The following ATAD2B variants were observed in gnomAD, a reference collection of about 807,000 sequenced individuals.
The protein encoded by ATAD2B is ATPase family AAA domain-containing protein 2B.
In ATAD2B, 40 loss-of-function variants were observed where a neutral mutation model predicts 167.6. That is an observed-to-expected ratio of 0.24 (90% CI 0.19 to 0.31). The LOEUF (loss-of-function observed/expected upper bound fraction) is 0.31, where lower values mean the gene tolerates loss of function less well. ATAD2B is among the 10% of genes least tolerant of loss of function. The pLI, the probability that ATAD2B is intolerant of heterozygous loss-of-function variation, is 1.00. For missense variants in ATAD2B, 1,242 were observed against 1,757.2 expected (o/e 0.71, Z 5.24); for synonymous variants, 579 against 596.5 (o/e 0.97, Z 0.43).
chr2:23,709,806 TGAA>T, the ATAD2B span, among the ~76,000 whole-genome samples: 6 of 152,244 alleles, frequency 3.9e-5, no homozygotes, highest in Non-Finnish European at 8.8e-5. Flanking sequence ...ATGCCAATCA[TGAA>T]GAGCTGAAAT....
intron 1 of ATAD2B, among the ~76,000 whole-genome samples, chr2:23,898,531 G>A (rs1033682679): frequency 5.9e-5 from 9 of 152,180 alleles, no homozygotes; most frequent in South Asian, 2.1e-4. Flanking sequence ...TTCCTAAAAT[G>A]TATACAATGA....
intron 18 of ATAD2B, among the ~76,000 whole-genome samples, chr2:23,799,295 G>A (rs115540553): frequency 0.026 from 3,911 of 152,152 alleles, 68 homozygotes; most frequent in South Asian, 0.045. Flanking sequence ...GAATTTAGCT[G>A]GGCACGGTGG....
intron 8 of ATAD2B, chr2:23,872,831 T>C: frequency 3.0e-6 from 3 of 988,858 alleles, no homozygotes; most frequent in South Asian, 1.3e-5. Context: ...TGCTCTCTTC[T>C]GCACTGAGGT....
downstream of ATAD2B, among the ~76,000 whole-genome samples, chr2:23,744,662 C>A (rs1674711405): frequency 6.6e-6 from 1 of 152,136 alleles, no homozygotes; most frequent in South Asian, 2.1e-4. Context: ...TAATTTGTCA[C>A]ATGTTGCATA....
Position 23,788,526 on chromosome 2 carries a change from C to T in ATAD2B, c.2762G>A (p.Arg921Gln), listed in dbSNP as rs952541811. 2.5e-6 allele frequency: 4 copies of T among 1,612,766 alleles called. No individual in the cohort carries two copies. Among genetic ancestry groups the T allele is most frequent in the Admixed American group, 1.7e-5 (1 of 59,932 alleles). Residue 921 changes from arginine (R) to glutamine (Q), a missense_variant, in exon 20 of 28, where the codon CGA (arginine) becomes CAA (glutamine). By Grantham distance (43) the Arg-to-Gln change is conservative. Transcript: ENST00000238789. ...ACAAACTTTACCAGCATGTTTCCTT[C>T]GTGGTGGAGCCATTGATGCCTGATT... The part of the protein sequence containing the change: ...ILNQASMAPP[R>Q]RKHAALCAME...
chr2:23,902,073 C>T (rs1700908630), intron 1 of ATAD2B, among the ~76,000 whole-genome samples: 2 of 152,102 alleles, frequency 1.3e-5, no homozygotes, highest in African/African-American at 2.4e-5. Context: ...CAAAAATCAC[C>T]TGCATTACTC....
chr2:23,741,589 C>T, the ATAD2B span, among the ~76,000 whole-genome samples: 1 of 152,128 alleles, frequency 6.6e-6, no homozygotes, highest in Non-Finnish European at 1.5e-5. Flanking sequence ...AGCCCTAAAA[C>T]CATAAAAACC....
chr2:23,696,265 G>A, the ATAD2B span: 5 of 1,505,540 alleles, frequency 3.3e-6, no homozygotes, highest in Non-Finnish European at 4.5e-6. The surrounding 1 kb of genome is among the most constrained non-coding windows in gnomAD (Gnocchi z 5.5). Flanking sequence ...TGCCCCTGGG[G>A]CTGGGCCTGC....
intron 4 of ATAD2B, among the ~76,000 whole-genome samples, chr2:23,887,040 G>A (rs537892977): frequency 1.5e-3 from 231 of 152,268 alleles, no homozygotes; most frequent in African/African-American, 5.1e-3. Flanking sequence ...CACTTTGGGA[G>A]GCCAAGGCAG....
chr2:23,850,178 C>G (rs1692347786), intron 13 of ATAD2B, among the ~76,000 whole-genome samples: 1 of 150,278 alleles, frequency 6.7e-6, no homozygotes, highest in South Asian at 2.1e-4. Flanking sequence ...GAGTTATGAT[C>G]TCTAGATCAC....
At chr2:23,869,900 C>A in intron 8 of ATAD2B, 139 bp from the exon 9 acceptor site, 3 of 612,298 alleles carry the variant, frequency 4.9e-6, no homozygotes, top group Non-Finnish European at 8.3e-6. Flanking sequence ...ATACAATTTA[C>A]ATGAAGTATA....
intron 17 of ATAD2B, among the ~76,000 whole-genome samples, chr2:23,814,520 A>T (rs1686125681): frequency 6.6e-6 from 1 of 152,216 alleles, no homozygotes; most frequent in African/African-American, 2.4e-5. Context: ...AAAAGATTGG[A>T]GGTACAAGAG....
At chr2:23,777,160 A>G (rs542180520) in intron 22 of ATAD2B, among the ~76,000 whole-genome samples, 1 of 152,262 alleles carries the variant, frequency 6.6e-6, no homozygotes, top group South Asian at 2.1e-4. Context: ...AAGCCAAGAA[A>G]AGAGGCCTCA....
At chr2:23,687,560 C>T in the ATAD2B span, among the ~76,000 whole-genome samples, 1 of 152,182 alleles carries the variant, frequency 6.6e-6, no homozygotes, top group African/African-American at 2.4e-5. Flanking sequence ...CAGCTGAGCC[C>T]ACAGTCTGGT....
At chr2:23,684,641 G>A in the ATAD2B span, 1 of 1,006,788 alleles carries the variant, frequency 9.9e-7, no homozygotes, top group Non-Finnish European at 1.4e-6. The surrounding 1 kb of genome is among the most constrained non-coding windows in gnomAD (Gnocchi z 4.4). Context: ...GTGACTCCCT[G>A]TCACAGAGCC....
intron 4 of ATAD2B, among the ~76,000 whole-genome samples, chr2:23,886,478 G>T (rs1162021728): frequency 6.6e-6 from 1 of 151,908 alleles, no homozygotes; most frequent in Non-Finnish European, 1.5e-5. Context: ...ATGGTATTAA[G>T]AATAACTTGT....
chr2:23,693,504 G>A, the ATAD2B span: 1 of 1,551,082 alleles, frequency 6.4e-7, no homozygotes, highest in Non-Finnish European at 8.7e-7. Context: ...AGTGGATCAA[G>A]AAGGACCCCG....
At chr2:23,795,650 G>A (rs888182896) in intron 19 of ATAD2B, among the ~76,000 whole-genome samples, 4 of 152,120 alleles carry the variant, frequency 2.6e-5, no homozygotes. Context: ...GGAGGCCGAG[G>A]TGGGAGATCA....
intron 5 of ATAD2B, among the ~76,000 whole-genome samples, chr2:23,885,338 G>T (rs1422207946): frequency 6.6e-6 from 1 of 152,188 alleles, no homozygotes; most frequent in Non-Finnish European, 1.5e-5. Context: ...AAGAGTAAAA[G>T]TTATAGGAAT....
Sources: gnomAD v4.1 joint callset for allele counts (sites outside exome capture counted in the v4.1 genomes callset) on GRCh38, gnomAD v4.1.1 for gene constraint, Gnocchi (gnomAD v3.1) non-coding constraint, MANE v1.5 for transcripts, NCBI Gene and HGNC (gene_info 2026-07-23, HGNC 2026-07-21) for gene names.